CSMD1: variants seen among roughly 807,000 people sequenced by gnomAD.
CSMD1 encodes CUB and Sushi multiple domains 1, also known as CUB and sushi domain-containing protein 1.
A neutral mutation model predicts 417.5 loss-of-function variants in CSMD1; 213 were observed. The ratio of observed to expected loss-of-function variants is 0.51; its 90% confidence interval spans 0.46 to 0.57. The LOEUF is 0.57. Among genes scored for constraint, CSMD1 ranks in the 20% least tolerant of loss-of-function variants. The pLI is 0.00. For missense variants in CSMD1, 6,923 were observed against 4,529.7 expected, an observed-to-expected ratio of 1.53 and a Z score of -15.17; for synonymous variants, 2,862 against 1,736.8, an observed-to-expected ratio of 1.65 and a Z score of -16.11.
chr8:4,967,035 T>A (rs951269095), intron 1 of CSMD1, among the ~76,000 whole-genome samples: 3 of 152,180 alleles, frequency 2.0e-5, no homozygotes, highest in South Asian at 4.1e-4. Flanking sequence ...TGACCAGACA[T>A]CGCAGTGTTC....
chr8:4,723,130 A>T (rs1809174085), intron 1 of CSMD1, among the ~76,000 whole-genome samples: 1 of 152,146 alleles, frequency 6.6e-6, no homozygotes, highest in Admixed American at 6.6e-5. Flanking sequence ...TAACACCATT[A>T]AAATCTATTT....
rs150814197 is a variant in CSMD1, at chr8:3,575,204, A to C, written c.1223-138T>G. On this transcript the variant is annotated intron_variant, in intron 9 of 69. Coordinates refer to ENST00000635120, the MANE Select transcript of CSMD1 (RefSeq NM_033225.6). Reference sequence around the variant, plus strand: ...AAAAAAAAATGGTGCATGGACTCCAACTGGGGCATGGACTCCAGTCAGCAA... The same window carrying C: ...AAAAAAAAATGGTGCATGGACTCCACCTGGGGCATGGACTCCAGTCAGCAA... 5 of 904,440 alleles carry C rather than the reference A, an allele frequency of 5.5e-6. No homozygotes were observed. The Admixed American group carries it at 8.5e-5, about 15-fold the overall frequency. The allele number at this position is 904,440 out of a possible 1,614,324, so 56.0% of individuals were successfully genotyped here.
intron 1 of CSMD1, among the ~76,000 whole-genome samples, chr8:4,799,668 G>A (rs1445024576): frequency 7.0e-6 from 1 of 143,632 alleles, no homozygotes; most frequent in African/African-American, 2.6e-5. Flanking sequence ...GAAAAATTGG[G>A]ACTTTATTTT....
chr8:3,946,199 G>C (rs908951284), intron 5 of CSMD1, among the ~76,000 whole-genome samples: 2 of 152,100 alleles, frequency 1.3e-5, no homozygotes, highest in Non-Finnish European at 2.9e-5. Context: ...CAGTGGTTTA[G>C]CAACTGTTCT....
intron 3 of CSMD1, among the ~76,000 whole-genome samples, chr8:4,167,740 A>G (rs754929806): frequency 2.0e-5 from 3 of 152,222 alleles, no homozygotes; most frequent in Non-Finnish European, 4.4e-5. Flanking sequence ...CTGTAATTCC[A>G]GCACTTTTAG....
At chr8:4,590,339 C>T (rs974460089) in intron 2 of CSMD1, among the ~76,000 whole-genome samples, 2 of 152,004 alleles carry the variant, frequency 1.3e-5, no homozygotes, top group African/African-American at 4.8e-5. Flanking sequence ...AAGTCACATC[C>T]AGAATACATT....
At chr8:3,875,766 G>A (rs1424407884) in intron 5 of CSMD1, among the ~76,000 whole-genome samples, 1 of 152,182 alleles carries the variant, frequency 6.6e-6, no homozygotes, top group African/African-American at 2.4e-5. Context: ...AGCCAGTGAA[G>A]ACCTCCTCAA....
chr8:4,713,477 C>G (rs575454236), intron 1 of CSMD1, among the ~76,000 whole-genome samples: 3 of 152,330 alleles, frequency 2.0e-5, no homozygotes, highest in African/African-American at 7.2e-5. Context: ...TACCGGCTCA[C>G]TGCCATCTCC....
At chr8:3,822,920 G>C (rs138949504) in intron 5 of CSMD1, among the ~76,000 whole-genome samples, 1 of 152,164 alleles carries the variant, frequency 6.6e-6, no homozygotes, top group African/African-American at 2.4e-5. Flanking sequence ...GCTAAGTAAA[G>C]ACTGTTTGGT....
intron 3 of CSMD1, among the ~76,000 whole-genome samples, chr8:4,127,026 C>G (rs577454733): frequency 2.1e-4 from 32 of 152,214 alleles, no homozygotes; most frequent in African/African-American, 7.2e-4. Flanking sequence ...ATATATATAC[C>G]CTGGCCTCCA....
At chr8:4,794,548 C>T (rs957915346) in intron 1 of CSMD1, among the ~76,000 whole-genome samples, 16 of 152,178 alleles carry the variant, frequency 1.1e-4, no homozygotes, top group African/African-American at 2.2e-4. Flanking sequence ...CCCTCCCCCA[C>T]GTCCACCTAT....
At chr8:3,239,191 C>G (rs542655471) in intron 26 of CSMD1, among the ~76,000 whole-genome samples, 3 of 152,204 alleles carry the variant, frequency 2.0e-5, no homozygotes, top group South Asian at 2.1e-4. Flanking sequence ...TCCGTTTTAC[C>G]TTTCCTAAAT....
At chr8:4,393,988 T>A (rs1170019451) in intron 3 of CSMD1, among the ~76,000 whole-genome samples, 2 of 152,196 alleles carry the variant, frequency 1.3e-5, no homozygotes, top group Non-Finnish European at 2.9e-5. Context: ...ATTTGCTACG[T>A]AATAGAGCAA....
At chr8:4,284,948 G>C (rs1447247610) in intron 3 of CSMD1, among the ~76,000 whole-genome samples, 2 of 152,244 alleles carry the variant, frequency 1.3e-5, no homozygotes, top group East Asian at 1.9e-4. Flanking sequence ...GTAAGACCTT[G>C]GGCAAAGTAA....
chr8:3,653,233 T>G (rs1194092075), intron 7 of CSMD1, among the ~76,000 whole-genome samples: 2 of 152,092 alleles, frequency 1.3e-5, no homozygotes, highest in Non-Finnish European at 2.9e-5. Flanking sequence ...ATTTTTTACA[T>G]TGTCTCATAT....
intron 5 of CSMD1, among the ~76,000 whole-genome samples, chr8:3,823,828 G>C (rs930199867): frequency 2.0e-5 from 3 of 151,814 alleles, no homozygotes; most frequent in Admixed American, 6.6e-5. Flanking sequence ...TCATAAAGAT[G>C]GTAATTTAAA....
chr8:3,302,929 C>T (rs543511441), intron 25 of CSMD1, among the ~76,000 whole-genome samples: 28 of 152,240 alleles, frequency 1.8e-4, no homozygotes, highest in Non-Finnish European at 3.5e-4. Flanking sequence ...TCAGGCTCTC[C>T]TACATGTCTG....
chr8:4,607,430 A>C (rs1382344092), intron 2 of CSMD1, among the ~76,000 whole-genome samples: 1 of 152,198 alleles, frequency 6.6e-6, no homozygotes, highest in Non-Finnish European at 1.5e-5. Context: ...GTGACTAAGC[A>C]AAAGGAAACT....
chr8:4,424,437 TTACTC>T (rs747561045), intron 2 of CSMD1, among the ~76,000 whole-genome samples: 16 of 151,780 alleles, frequency 1.1e-4, no homozygotes, highest in Non-Finnish European at 2.1e-4. Flanking sequence ...CCACGAATAT[TTACTC>T]TACATCAATA....
Sources: gnomAD v4.1 joint callset for allele counts (sites outside exome capture counted in the v4.1 genomes callset) on GRCh38, gnomAD v4.1.1 for gene constraint, MANE v1.5 for transcripts, NCBI Gene and HGNC (gene_info 2026-07-23, HGNC 2026-07-21) for gene names.